FSTL5: variants seen among roughly 807,000 people sequenced by gnomAD.
The protein encoded by FSTL5 is follistatin-related protein 5.
A neutral mutation model predicts 89.1 loss-of-function variants in FSTL5; 62 were observed. The observed-to-expected ratio is 0.70, with a 90% confidence interval of 0.57 to 0.86. The LOEUF (loss-of-function observed/expected upper bound fraction) is 0.86, where lower values mean the gene tolerates loss of function less well. Ranked by LOEUF, FSTL5 falls within the 40% of genes least tolerant of loss-of-function variation. The probability of loss-of-function intolerance (pLI) is 0.00; values close to 1 mark genes in which losing one functional copy is unlikely to be tolerated. For missense variants in FSTL5, 1,057 were observed against 1,001.6 expected, an observed-to-expected ratio of 1.06 and a Z score of -0.75; for synonymous variants, 383 against 346.2, an observed-to-expected ratio of 1.11 and a Z score of -1.18.
chr4:162,082,443 A>C (rs1367711571), intron 2 of FSTL5, among the ~76,000 whole-genome samples: 2 of 151,574 alleles, frequency 1.3e-5, no homozygotes, highest in African/African-American at 4.8e-5. Context: ...TTACCTGTTC[A>C]ATTAATGTTT....
chr4:161,556,799 C>T (rs1254517650), intron 8 of FSTL5, among the ~76,000 whole-genome samples: 7 of 142,862 alleles, frequency 4.9e-5, no homozygotes, highest in South Asian at 4.4e-4. Flanking sequence ...AAACTTAGTT[C>T]GTATTTCTCG....
intron 6 of FSTL5, among the ~76,000 whole-genome samples, chr4:161,741,148 G>C (rs544484763): frequency 1.1e-4 from 17 of 152,282 alleles, no homozygotes; most frequent in Admixed American, 9.2e-4. Context: ...GTGGTAGGAA[G>C]AATAATGACC....
chr4:161,706,208 A>C (rs1738574598), intron 6 of FSTL5, among the ~76,000 whole-genome samples: 1 of 151,164 alleles, frequency 6.6e-6, no homozygotes, highest in Admixed American at 6.6e-5. Flanking sequence ...CATTTGGCAA[A>C]TATGTTAGTG....
In FSTL5 at chr4:161,542,497, G is replaced by T. The variant is rs774710387; in HGVS notation, c.1177+35C>A. On this transcript the variant is annotated intron_variant, in intron 9 of 15. Coordinates refer to ENST00000306100, the MANE Select transcript of FSTL5 (RefSeq NM_020116.5). ...AATTTTAGTATAAATTTTCAACATG[G>T]TCATTTAAGAGAAAAAAAAGCAAGT... is the stretch of plus-strand genomic sequence containing the variant. 1.1e-5 allele frequency: 15 copies of T among 1,314,384 alleles called. No individual in the cohort carries two copies. In the Admixed American group the frequency reaches 2.6e-4, roughly 23 times the overall value. 81.4% of individuals were successfully genotyped at this position (1,314,384 alleles called of 1,614,324 possible). A position where few individuals can be genotyped will look rare whatever the true frequency, so the allele number is the denominator to read the frequency against.
chr4:161,519,586 T>C (rs970386273), intron 10 of FSTL5, among the ~76,000 whole-genome samples: 3 of 152,070 alleles, frequency 2.0e-5, no homozygotes, highest in African/African-American at 4.8e-5. Context: ...ATAAAAACTT[T>C]TCTAGCTAAC....
rs533257527 is a variant in FSTL5 at position 161,646,292 on chromosome 4, T to A, written c.894+10036A>T. ...CTCATATATTATATATATTTATGCA[T>A]GTGTATACACTTTAACTTTATACTT... On this transcript the variant is annotated intron_variant, in intron 7 of 15. Coordinates refer to ENST00000306100, the MANE Select transcript of FSTL5 (RefSeq NM_020116.5). 2.9e-4 allele frequency among the ~76,000 whole-genome samples: 44 copies of A among 149,766 alleles called. No individual in the cohort carries two copies. In the South Asian group the frequency reaches 9.0e-3, roughly 31 times the overall value.
At chr4:161,465,485 T>C (rs890544209) in intron 13 of FSTL5, among the ~76,000 whole-genome samples, 1 of 152,130 alleles carries the variant, frequency 6.6e-6, no homozygotes, top group Admixed American at 6.6e-5. Context: ...GATGGGATCT[T>C]CCTAGTTGCC....
At chr4:161,518,767 A>G (rs975415639) in intron 10 of FSTL5, among the ~76,000 whole-genome samples, 1 of 152,248 alleles carries the variant, frequency 6.6e-6, no homozygotes, top group African/African-American at 2.4e-5. Flanking sequence ...GTTATGTCAT[A>G]GCGTGTAACA....
At chr4:161,615,701 T>G (rs566983738) in intron 7 of FSTL5, among the ~76,000 whole-genome samples, 1 of 152,262 alleles carries the variant, frequency 6.6e-6, no homozygotes, top group African/African-American at 2.4e-5. Flanking sequence ...ACATGAATTG[T>G]TTGATTGTGG....
At chr4:161,419,872 A>G (rs971200485) in intron 15 of FSTL5, among the ~76,000 whole-genome samples, 1 of 152,160 alleles carries the variant, frequency 6.6e-6, no homozygotes, top group Admixed American at 6.5e-5. Flanking sequence ...TTGCAGAGGG[A>G]GGAATGCTTC....
At chr4:162,110,682 T>C (rs1446767993) in intron 2 of FSTL5, among the ~76,000 whole-genome samples, 1 of 151,608 alleles carries the variant, frequency 6.6e-6, no homozygotes, top group East Asian at 1.9e-4. Flanking sequence ...GCTTAATTTA[T>C]TATAAGTATT....
At chr4:161,894,645 A>G (rs1239874846) in intron 4 of FSTL5, among the ~76,000 whole-genome samples, 4 of 151,934 alleles carry the variant, frequency 2.6e-5, no homozygotes, top group African/African-American at 9.7e-5. Flanking sequence ...TGCCTGGGAA[A>G]TTTTTGTATT....
intron 15 of FSTL5, among the ~76,000 whole-genome samples, chr4:161,404,977 T>C (rs1488888013): frequency 6.6e-6 from 1 of 152,134 alleles, no homozygotes; most frequent in East Asian, 1.9e-4. Context: ...ATGCCTGTAA[T>C]CCCAGAACTT....
chr4:161,976,889 C>G (rs558863375), intron 3 of FSTL5, among the ~76,000 whole-genome samples: 2 of 152,172 alleles, frequency 1.3e-5, no homozygotes, highest in African/African-American at 2.4e-5. Flanking sequence ...TCTCTCAAGA[C>G]TAAGTTTCTA....
chr4:162,062,320 C>T (rs1738747881), intron 2 of FSTL5, among the ~76,000 whole-genome samples: 1 of 151,876 alleles, frequency 6.6e-6, no homozygotes, highest in Admixed American at 6.6e-5. Flanking sequence ...GCCAGGCCAT[C>T]TGTATATACA....
intron 7 of FSTL5, among the ~76,000 whole-genome samples, chr4:161,590,537 T>TCAAAA (rs375671700): frequency 2.2e-4 from 33 of 152,086 alleles, no homozygotes; most frequent in African/African-American, 6.3e-4. Flanking sequence ...AGACTCCATC[T>TCAAAA]CAAAACAAAA....
At chr4:161,773,971 T>C (rs903702481) in intron 5 of FSTL5, among the ~76,000 whole-genome samples, 4 of 151,984 alleles carry the variant, frequency 2.6e-5, no homozygotes, top group Admixed American at 6.6e-5. Flanking sequence ...GATAAAGAAA[T>C]TGTGATATGG....
intron 3 of FSTL5, among the ~76,000 whole-genome samples, chr4:162,006,885 T>C (rs887224404): frequency 6.6e-6 from 1 of 151,944 alleles, no homozygotes; most frequent in Admixed American, 6.6e-5. Context: ...TGGAGAGGAA[T>C]TGCTCAAGTC....
intron 2 of FSTL5, among the ~76,000 whole-genome samples, chr4:162,071,160 T>A (rs2101217): frequency 0.058 from 8,739 of 151,590 alleles, 357 homozygotes; most frequent in East Asian, 0.11. Context: ...TCAAATGGTT[T>A]AAATTCCTCC....
Sources: gnomAD v4.1 joint callset for allele counts (sites outside exome capture counted in the v4.1 genomes callset) on GRCh38, gnomAD v4.1.1 for gene constraint, MANE v1.5 for transcripts, NCBI Gene and HGNC (gene_info 2026-07-23, HGNC 2026-07-21) for gene names.